The following PDE8B variants were observed in gnomAD, a reference collection of about 807,000 sequenced individuals.
The protein encoded by PDE8B is high affinity cAMP-specific and IBMX-insensitive 3',5'-cyclic phosphodiesterase 8B.
Under a neutral mutation model 101.3 loss-of-function variants are expected in PDE8B, and 26 were observed. The ratio of observed to expected loss-of-function variants is 0.26; its 90% CI spans 0.19 to 0.36. The LOEUF is 0.36. Among genes scored for constraint, PDE8B ranks in the 10% least tolerant of loss-of-function variants. PDE8B has a pLI of 1.00. For synonymous variants in PDE8B, 424 were observed against 429.3 expected, an observed-to-expected ratio of 0.99 and a Z score of 0.15; for missense variants, 810 against 1,163.1, an observed-to-expected ratio of 0.70 and a Z score of 4.42.
At chr5:77,224,996 G>A (rs1011015274) in intron 1 of PDE8B, among the ~76,000 whole-genome samples, 3 of 152,090 alleles carry the variant, frequency 2.0e-5, no homozygotes, top group Non-Finnish European at 2.9e-5. Context: ...TTTATAGGTA[G>A]TGTCATGGAC....
intron 1 of PDE8B, among the ~76,000 whole-genome samples, chr5:77,292,177 G>A (rs146030948): frequency 1.5e-4 from 23 of 152,194 alleles, no homozygotes; most frequent in East Asian, 1.2e-3. Flanking sequence ...TGTTGGTTGC[G>A]CAGATGGATT....
rs754208183 is a variant in PDE8B, at chr5:77,211,839, T to C, written c.339+575T>C. On this transcript the variant is annotated intron_variant, in intron 1 of 21. Transcript: ENST00000264917. The surrounding 1 kb of genome is among the most constrained non-coding windows in gnomAD (Gnocchi z 4.1). ...TGGGAACGGAGCAGAGTGGAACCTG[T>C]TGTTTGTCACTGTAACGTTTCTCTG... is the stretch of plus-strand genomic sequence containing the variant. 5.3e-5 allele frequency among the ~76,000 whole-genome samples: 8 copies of C among 152,148 alleles called. No homozygotes were observed. Among genetic ancestry groups the C allele is most frequent in the Non-Finnish European group, 1.0e-4 (7 of 68,016 alleles).
In PDE8B at chr5:77,407,555, G is replaced by A. The variant is rs142155309; in HGVS notation, c.1365+98G>A. ...CACTGACATCATGGAGCTCAGTCTAGTGGAAGAAGCAAATAACAGGCAAAT... is the reference window on the plus strand; with the variant it reads ...CACTGACATCATGGAGCTCAGTCTAATGGAAGAAGCAAATAACAGGCAAAT... On this transcript the variant is annotated intron_variant, in intron 13 of 21. Transcript: ENST00000264917. 189 of 853,980 alleles carry A rather than the reference G, an allele frequency of 2.2e-4. 1 individual carries two copies. In the African/African-American group the frequency reaches 2.8e-3, roughly 13 times the overall value. The allele number at this position is 853,980 out of a possible 1,614,324, so 52.9% of individuals were successfully genotyped here.
chr5:77,256,731 T>C (rs1759260575), intron 1 of PDE8B, among the ~76,000 whole-genome samples: 1 of 152,202 alleles, frequency 6.6e-6, no homozygotes, highest in Non-Finnish European at 1.5e-5. Context: ...AATAATGAGG[T>C]ACTGCAAAGT....
At chr5:77,357,070 G>A (rs998440863) in intron 10 of PDE8B, among the ~76,000 whole-genome samples, 13 of 152,212 alleles carry the variant, frequency 8.5e-5, no homozygotes, top group Non-Finnish European at 1.8e-4. Context: ...TATAGAGAAT[G>A]TCTTTGCGGG....
chr5:77,213,722 T>C (rs12652928), intron 1 of PDE8B, among the ~76,000 whole-genome samples: 108,368 of 151,512 alleles, frequency 0.72, 39,527 homozygotes, highest in East Asian at 0.97. Context: ...CCCCTCCCCC[T>C]GGCCATTTTA....
At chr5:77,288,100 C>T (rs768666736) in intron 1 of PDE8B, among the ~76,000 whole-genome samples, 1 of 152,150 alleles carries the variant, frequency 6.6e-6, no homozygotes, top group African/African-American at 2.4e-5. Flanking sequence ...AGGGGACAGG[C>T]GATAATAACT....
chr5:77,411,742 TTG>T (rs1794608227), intron 15 of PDE8B, 21 bp downstream of exon 15: 1 of 1,574,636 alleles, frequency 6.4e-7, no homozygotes. Context: ...ATCTATTTAC[TTG>T]TTAGTGTAAC....
chr5:77,226,172 ATTAT>A (rs138730883), intron 1 of PDE8B, among the ~76,000 whole-genome samples: 19,841 of 152,068 alleles, frequency 0.13, 1,814 homozygotes, highest in East Asian at 0.49. Flanking sequence ...AAGAATGTAA[ATTAT>A]TTATATGCAT....
intron 10 of PDE8B, among the ~76,000 whole-genome samples, chr5:77,382,486 A>T (rs1685150495): frequency 6.6e-6 from 1 of 151,990 alleles, no homozygotes; most frequent in Non-Finnish European, 1.5e-5. Flanking sequence ...GAATGTGCAG[A>T]TTTGTTACAT....
rs71606290 is a variant in PDE8B, at chr5:77,397,026, A to ATTTTTTTTTTTTTTTTTTTTTTTTTTT, written c.1168-3198_1168-3197insTTTTTTTTTTTTTTTTTTTTTTTTTTT. ...TTGGTTTCTATATTTCCGATAAGAAATTTTTTTTTTTTTTTTTTTTTTTTG... is the reference window on the plus strand; with the variant it reads ...TTGGTTTCTATATTTCCGATAAGAAATTTTTTTTTTTTTTTTTTTTTTTTTTTTTTTTTTTTTTTTTTTTTTTTTTTG... On this transcript the variant is annotated intron_variant, in intron 10 of 21. Coordinates refer to ENST00000264917, the MANE Select transcript of PDE8B (RefSeq NM_003719.5). Among the ~76,000 whole-genome samples, 112 of 84,390 alleles carry ATTTTTTTTTTTTTTTTTTTTTTTTTTT rather than the reference A, an allele frequency of 1.3e-3. 7 individuals carry two copies. The highest frequency in any genetic ancestry group is 3.4e-3 in the East Asian group (8 of 2,388). 55.4% of individuals were successfully genotyped at this position (84,390 alleles called of 152,430 possible).
chr5:77,334,860 G>GA (rs1777828984), intron 5 of PDE8B, among the ~76,000 whole-genome samples: 2 of 152,116 alleles, frequency 1.3e-5, no homozygotes, highest in Admixed American at 6.5e-5. Flanking sequence ...CATGGTCCAT[G>GA]AAAAAAGCCT....
intron 1 of PDE8B, among the ~76,000 whole-genome samples, chr5:77,221,775 T>A (rs894667666): frequency 1.3e-5 from 2 of 152,234 alleles, no homozygotes; most frequent in African/African-American, 4.8e-5. Flanking sequence ...TTTGATGTGT[T>A]GATGCATTGC....
At chr5:77,308,731 G>A (rs554221125) in intron 1 of PDE8B, among the ~76,000 whole-genome samples, 6 of 152,240 alleles carry the variant, frequency 3.9e-5, no homozygotes, top group African/African-American at 7.2e-5. Flanking sequence ...GTGTGAATGC[G>A]CCTGGCACAA....
At chr5:77,131,139 A>G in the PDE8B span, 4 of 152,392 alleles carry the variant, frequency 2.6e-5, no homozygotes, top group African/African-American at 9.6e-5. Context: ...CTCAGATACC[A>G]GACTGGAATA....
chr5:77,312,108 T>TC (rs768082180), intron 2 of PDE8B, 55 bp downstream of exon 2: 20 of 1,193,794 alleles, frequency 1.7e-5, no homozygotes, highest in South Asian at 7.5e-5. Context: ...TTTTTTTCTT[T>TC]TTTTTTTTTT....
At chr5:77,327,164 G>A (rs1447653880) in intron 3 of PDE8B, among the ~76,000 whole-genome samples, 1 of 152,300 alleles carries the variant, frequency 6.6e-6, no homozygotes, top group Non-Finnish European at 1.5e-5. Flanking sequence ...ATGGGTGGGT[G>A]ACACGCTCCT....
intron 1 of PDE8B, chr5:77,290,659 GT>G (rs1280138421): frequency 6.6e-7 from 1 of 1,507,564 alleles, no homozygotes; most frequent in Non-Finnish European, 9.2e-7. Context: ...TATGCTGTTG[GT>G]TTATCAAGGA....
the PDE8B span, among the ~76,000 whole-genome samples, chr5:77,099,290 C>A: frequency 6.6e-6 from 1 of 152,150 alleles, no homozygotes; most frequent in African/African-American, 2.4e-5. Flanking sequence ...CCACCTCAGG[C>A]AAGTATGAGG....
Sources: allele counts gnomAD v4.1 joint callset (sites outside exome capture counted in the v4.1 genomes callset), GRCh38; gene constraint gnomAD v4.1.1; non-coding constraint Gnocchi (gnomAD v3.1); transcripts MANE v1.5; gene names NCBI Gene and HGNC (gene_info 2026-07-23, HGNC 2026-07-21).